BICD1: variants seen among roughly 807,000 people sequenced by gnomAD.
BICD1 encodes the protein protein bicaudal D homolog 1.
A neutral mutation model predicts 92.5 loss-of-function variants in BICD1; 35 were observed. The ratio of observed to expected loss-of-function variants is 0.38; its 90% CI spans 0.29 to 0.50. The LOEUF (loss-of-function observed/expected upper bound fraction) is 0.50. Ranked by LOEUF, BICD1 falls within the 20% of genes least tolerant of loss-of-function variation. The probability of loss-of-function intolerance (pLI) is 0.93; values close to 1 mark genes in which losing one functional copy is unlikely to be tolerated. For synonymous variants in BICD1, 429 were observed against 465.1 expected, an observed-to-expected ratio of 0.92 and a Z score of 1.00; for missense variants, 950 against 1,189.8, an observed-to-expected ratio of 0.80 and a Z score of 2.97.
intron 1 of BICD1, among the ~76,000 whole-genome samples, chr12:32,215,768 T>G (rs911113020): frequency 1.4e-5 from 2 of 146,116 alleles, no homozygotes; most frequent in African/African-American, 5.1e-5. Context: ...GCTAACAAGG[T>G]GAAACCCCGT....
At chr12:32,310,620 C>T (rs974718877) in intron 4 of BICD1, among the ~76,000 whole-genome samples, 2 of 151,968 alleles carry the variant, frequency 1.3e-5, no homozygotes, top group African/African-American at 4.8e-5. Flanking sequence ...TACCGTCTAC[C>T]GAATGACTAC....
intron 8 of BICD1, among the ~76,000 whole-genome samples, chr12:32,346,514 CAA>C (rs869064716): frequency 2.3e-5 from 2 of 86,302 alleles, no homozygotes; most frequent in African/African-American, 3.9e-5. Flanking sequence ...GAGACCCTGT[CAA>C]AAAAAATATA....
intron 1 of BICD1, among the ~76,000 whole-genome samples, chr12:32,115,519 CTGG>C (rs1046057255): frequency 1.3e-5 from 2 of 151,644 alleles, no homozygotes; most frequent in African/African-American, 2.4e-5. Context: ...TTTTAAAGCA[CTGG>C]TGAAGTGTGA....
intron 1 of BICD1, among the ~76,000 whole-genome samples, chr12:32,208,576 G>A (rs1403705051): frequency 1.3e-5 from 2 of 152,130 alleles, no homozygotes; most frequent in East Asian, 1.9e-4. Flanking sequence ...GAGGCCTCAT[G>A]TCTCCTATTA....
intron 8 of BICD1, among the ~76,000 whole-genome samples, chr12:32,356,305 T>C (rs1206796675): frequency 6.6e-6 from 1 of 152,190 alleles, no homozygotes; most frequent in African/African-American, 2.4e-5. Flanking sequence ...TGATGGACTC[T>C]AAATTTCATG....
intron 8 of BICD1, 132 bp from the exon 9 acceptor site, chr12:32,367,538 G>A: frequency 3.7e-5 from 25 of 674,664 alleles, no homozygotes; most frequent in South Asian, 1.4e-4. Context: ...AAAAAAAAAA[G>A]CTGAATCAGG....
At chr12:32,296,136 TC>T (rs150096368) in intron 3 of BICD1, among the ~76,000 whole-genome samples, 19,418 of 151,932 alleles carry the variant, frequency 0.13, 1,370 homozygotes, top group East Asian at 0.22. Context: ...TTCCAGAGGC[TC>T]CCCAGGTCTT....
chr12:32,328,480 C>G lies in BICD1; in HGVS notation c.2025C>G (p.Leu675=). 1.2e-6 allele frequency: 2 copies of G among 1,614,226 alleles called. No individual in the cohort carries two copies. Among genetic ancestry groups the G allele is most frequent in the Non-Finnish European group, 1.7e-6 (2 of 1,180,038 alleles). Reference sequence around the variant, plus strand: ...AGGAAGCCTTAATGGAAGAGATCCTCAAGCTAAAGTCCCTGCTGAGCACCA... The same window carrying G: ...AGGAAGCCTTAATGGAAGAGATCCTGAAGCTAAAGTCCCTGCTGAGCACCA... The part of the protein sequence containing the change: ...KDKEALMEEI[L]KLKSLLSTKR... The change falls in exon 5 of 10, where the codon CTC becomes CTG. Residue 675 remains leucine (L), a synonymous_variant. Transcript: ENST00000652176. This position sits in a 1 kb window ranked among gnomAD's most constrained non-coding sequence, Gnocchi z 4.4.
At chr12:32,119,083 A>G (rs1942051525) in intron 1 of BICD1, among the ~76,000 whole-genome samples, 1 of 152,172 alleles carries the variant, frequency 6.6e-6, no homozygotes, top group Non-Finnish European at 1.5e-5. Context: ...GAATGATGAC[A>G]AGGAGCCAGT....
At chr12:32,137,901 G>A (rs1359975325) in intron 1 of BICD1, among the ~76,000 whole-genome samples, 2 of 151,918 alleles carry the variant, frequency 1.3e-5, no homozygotes, top group African/African-American at 2.4e-5. Context: ...AGGTTCAAGC[G>A]ATTCTCCTGC....
intron 1 of BICD1, among the ~76,000 whole-genome samples, chr12:32,194,668 G>C (rs1468438872): frequency 1.3e-5 from 2 of 151,764 alleles, no homozygotes; most frequent in African/African-American, 4.8e-5. Context: ...GATCACATGA[G>C]GTTGGGATTT....
At chr12:32,174,625 A>G (rs1305429859) in intron 1 of BICD1, among the ~76,000 whole-genome samples, 8 of 152,214 alleles carry the variant, frequency 5.3e-5, no homozygotes, top group Admixed American at 5.2e-4. Context: ...TCTCTTGTCT[A>G]TATTCACATC....
rs952779008 is a variant in BICD1, at chr12:32,377,819, G to A, written c.*192G>A. On this transcript the variant is annotated 3_prime_UTR_variant, in exon 10 of 10. Coordinates refer to ENST00000652176, the MANE Select transcript of BICD1 (RefSeq NM_001714.4). ...ACCCTGATGTGATAAAACATTTTGT[G>A]GTTTCTCTGAGTCACAGATAAACTT... 2.1e-6 allele frequency: 1 copy of A among 479,110 alleles called. No individual in the cohort carries two copies. The highest frequency in any genetic ancestry group is 3.7e-6 in the Non-Finnish European group (1 of 270,776). The allele number at this position is 479,110 out of a possible 1,614,324, so 29.7% of individuals were successfully genotyped here.
chr12:32,156,015 A>AGGG (rs1943425501), intron 1 of BICD1, among the ~76,000 whole-genome samples: 1 of 152,142 alleles, frequency 6.6e-6, no homozygotes. Flanking sequence ...ACACCTTTAC[A>AGGG]ATGGAGTGAG....
chr12:32,241,419 A>T (rs893745437), intron 2 of BICD1, among the ~76,000 whole-genome samples: 1 of 152,216 alleles, frequency 6.6e-6, no homozygotes, highest in Non-Finnish European at 1.5e-5. Flanking sequence ...TAGTGGCCTG[A>T]ATCAGAGCAG....
In BICD1 at chr12:32,320,207, T is replaced by A. The variant is rs1388214888; in HGVS notation, c.1006-7254T>A. ...TCACATGATCATTTAAGTGTCAAACTGAGAGTCAAAAGACTTGGCTGGGCA... is the reference window on the plus strand; with the variant it reads ...TCACATGATCATTTAAGTGTCAAACAGAGAGTCAAAAGACTTGGCTGGGCA... On this transcript the variant is annotated intron_variant, in intron 4 of 9. Coordinates refer to ENST00000652176, the MANE Select transcript of BICD1 (RefSeq NM_001714.4). 1.2e-4 allele frequency among the ~76,000 whole-genome samples: 18 copies of A among 152,162 alleles called. No homozygotes were observed. In the East Asian group the frequency reaches 3.3e-3, roughly 28 times the overall value.
At chr12:32,169,308 G>C (rs557081859) in intron 1 of BICD1, among the ~76,000 whole-genome samples, 1 of 152,294 alleles carries the variant, frequency 6.6e-6, no homozygotes, top group Non-Finnish European at 1.5e-5. Flanking sequence ...CTAGGTATTT[G>C]AAGTTTTATT....
intron 1 of BICD1, among the ~76,000 whole-genome samples, chr12:32,116,117 G>T (rs1343362787): frequency 2.0e-5 from 3 of 152,032 alleles, no homozygotes; most frequent in Non-Finnish European, 2.9e-5. Flanking sequence ...TTCCTCTTGG[G>T]ATTTAATTAA....
At chr12:32,217,625 G>A (rs1565594581) in intron 2 of BICD1, among the ~76,000 whole-genome samples, 1 of 152,192 alleles carries the variant, frequency 6.6e-6, no homozygotes, top group Non-Finnish European at 1.5e-5. Context: ...GGAAGTTAGT[G>A]TTGAGTACTA....
Sources: gnomAD v4.1 joint callset for allele counts (sites outside exome capture counted in the v4.1 genomes callset) on GRCh38, gnomAD v4.1.1 for gene constraint, Gnocchi (gnomAD v3.1) non-coding constraint, MANE v1.5 for transcripts, NCBI Gene and HGNC (gene_info 2026-07-23, HGNC 2026-07-21) for gene names.